KCNC2: variants seen among roughly 807,000 people sequenced by gnomAD.
KCNC2 encodes the protein potassium voltage-gated channel subfamily C member 2, also known as voltage-gated potassium channel KCNC2.
In KCNC2, 21 loss-of-function variants were observed where a neutral mutation model predicts 44.5. The ratio of observed to expected loss-of-function variants is 0.47; its 90% CI spans 0.33 to 0.68. The LOEUF (loss-of-function observed/expected upper bound fraction) is 0.68. Among genes scored for constraint, KCNC2 ranks in the 30% least tolerant of loss-of-function variants. The pLI is 0.01. For synonymous variants in KCNC2, 391 were observed against 339.1 expected (o/e 1.15, Z -1.68); for missense variants, 589 against 826.2 (o/e 0.71, Z 3.52).
chr12:75,120,843 C>A (rs1458605), intron 2 of KCNC2, among the ~76,000 whole-genome samples: 34,401 of 152,058 alleles, frequency 0.23, 4,878 homozygotes, highest in African/African-American at 0.39. Flanking sequence ...CTTTTCATTT[C>A]TTTTTCCATT....
Position 75,042,154 on chromosome 12 carries a change from CT to C in KCNC2, c.*950del. The C allele has an allele frequency of 1.6e-6, 2 of 1,270,452 alleles. No homozygotes were observed. Among genetic ancestry groups the C allele is most frequent in the Non-Finnish European group, 2.0e-6 (2 of 1,003,390 alleles). 78.7% of individuals were successfully genotyped at this position (1,270,452 alleles called of 1,614,324 possible). On this transcript the variant is annotated 3_prime_UTR_variant, in exon 5 of 5. Transcript: ENST00000549446. ...AGGGGGTAAAAAAAAGACACAAGAG[CT>C]TTGGGTGATATTTGGCACTCTGCCT...
Position 75,111,361 on chromosome 12 carries a change from C to T in KCNC2, c.688-60044G>A, listed in dbSNP as rs976344477. ...CTATTTTTCTATTAACAATCTATTG[C>T]GTGAACCCATTGCACTGCTTATCCA... is the stretch of plus-strand genomic sequence containing the variant. On this transcript the variant is annotated intron_variant, in intron 2 of 4. Transcript: ENST00000549446. Among the ~76,000 whole-genome samples the T allele has an allele frequency of 1.2e-4, 18 of 152,030 alleles. No homozygotes were observed. In the East Asian group the frequency reaches 1.7e-3, roughly 15 times the overall value.
chr12:75,160,615 A>G (rs1891058623), intron 2 of KCNC2, among the ~76,000 whole-genome samples: 1 of 151,862 alleles, frequency 6.6e-6, no homozygotes, highest in Non-Finnish European at 1.5e-5. Flanking sequence ...CTTGCCTTCT[A>G]AAACAGGATC....
chr12:75,199,276 C>G (rs1481015872), intron 2 of KCNC2, among the ~76,000 whole-genome samples: 1 of 151,774 alleles, frequency 6.6e-6, no homozygotes, highest in African/African-American at 2.4e-5. Context: ...AGCACACCAA[C>G]CAGGGGCTTC....
At chr12:75,060,486 G>C (rs998094001) in intron 2 of KCNC2, among the ~76,000 whole-genome samples, 3 of 151,766 alleles carry the variant, frequency 2.0e-5, no homozygotes, top group Admixed American at 6.6e-5. Flanking sequence ...TATTTTTTGA[G>C]ACAAGGTCTC....
At chr12:75,106,751 C>T (rs1180303273) in intron 2 of KCNC2, among the ~76,000 whole-genome samples, 7 of 152,156 alleles carry the variant, frequency 4.6e-5, no homozygotes, top group Non-Finnish European at 8.8e-5. Flanking sequence ...TTAATTGTGT[C>T]TTAATACCTC....
At position 75,048,283 on chromosome 12, in the gene KCNC2, C is replaced by T. The variant is rs200919813; in HGVS notation, c.1650G>A (p.Pro550=). Residue 550 remains proline (P), a synonymous_variant, in exon 4 of 5, where the codon CCG becomes CCA. Transcript: ENST00000549446. ...GGAGCCTTTCTGGGGGTGATAGTGG[C>T]GGCTCACTTCCTGTACTGTCGTCAC... The part of the protein sequence containing the change: ...LSGDDSTGSE[P]PLSPPERLPI... 3.7e-6 allele frequency: 6 copies of T among 1,612,460 alleles called. No individual in the cohort carries two copies. The highest frequency in any genetic ancestry group is 1.1e-5 in the South Asian group (1 of 90,964).
At chr12:75,084,872 T>A (rs898434568) in intron 2 of KCNC2, among the ~76,000 whole-genome samples, 2 of 151,576 alleles carry the variant, frequency 1.3e-5, no homozygotes, top group African/African-American at 4.8e-5. Context: ...TTCAAATATG[T>A]CAGCTCCCCT....
At chr12:75,110,676 T>C (rs1414371131) in intron 2 of KCNC2, among the ~76,000 whole-genome samples, 2 of 152,164 alleles carry the variant, frequency 1.3e-5, no homozygotes, top group African/African-American at 4.8e-5. Flanking sequence ...GCAATTGATA[T>C]GTGGTGTTCT....
intron 2 of KCNC2, among the ~76,000 whole-genome samples, chr12:75,138,183 C>T (rs1055088919): frequency 2.0e-5 from 3 of 152,184 alleles, no homozygotes; most frequent in African/African-American, 7.2e-5. Flanking sequence ...CAACTATCTG[C>T]ATTTTTTGCT....
At chr12:75,180,041 T>G (rs1334997120) in intron 2 of KCNC2, among the ~76,000 whole-genome samples, 1 of 151,870 alleles carries the variant, frequency 6.6e-6, no homozygotes, top group African/African-American at 2.4e-5. Flanking sequence ...AATTTATTAT[T>G]TTCTTTCCTA....
chr12:75,041,002 G>A lies in KCNC2; in HGVS notation c.*2103C>T, dbSNP rs547069553. The A allele has an allele frequency of 2.3e-6, 2 of 877,146 alleles. No homozygotes were observed. Among genetic ancestry groups the A allele is most frequent in the South Asian group, 2.8e-5 (2 of 70,514 alleles). 54.3% of individuals were successfully genotyped at this position (877,146 alleles called of 1,614,324 possible). ...CAGTCTACAAGCAGAGCACTCTCAT[G>A]GGGAGCACCAGATGAGTTCCAGCCG... On this transcript the variant is annotated 3_prime_UTR_variant, in exon 5 of 5. Transcript: ENST00000549446.
At chr12:75,096,241 A>T (rs1249434009) in intron 2 of KCNC2, among the ~76,000 whole-genome samples, 1 of 151,986 alleles carries the variant, frequency 6.6e-6, no homozygotes, top group African/African-American at 2.4e-5. Flanking sequence ...ACTACAGGAG[A>T]TTCAATTTTC....
At chr12:75,084,318 A>AGATAGAT (rs1884800844) in intron 2 of KCNC2, among the ~76,000 whole-genome samples, 1 of 150,754 alleles carries the variant, frequency 6.6e-6, no homozygotes, top group African/African-American at 2.5e-5. Context: ...ATAGATAGAT[A>AGATAGAT]GATAGATAGA....
At chr12:75,178,134 G>T (rs1044602349) in intron 2 of KCNC2, among the ~76,000 whole-genome samples, 1 of 151,890 alleles carries the variant, frequency 6.6e-6, no homozygotes, top group Non-Finnish European at 1.5e-5. Flanking sequence ...GGCATGTCCT[G>T]GCATGAAATA....
At chr12:75,201,798 G>A (rs770897824) in intron 2 of KCNC2, among the ~76,000 whole-genome samples, 10 of 151,962 alleles carry the variant, frequency 6.6e-5, no homozygotes, top group Non-Finnish European at 5.9e-5. Context: ...TCGAAGAAAA[G>A]CCCTTCATAT....
At chr12:75,101,926 A>C (rs1490178826) in intron 2 of KCNC2, among the ~76,000 whole-genome samples, 1 of 152,114 alleles carries the variant, frequency 6.6e-6, no homozygotes, top group Non-Finnish European at 1.5e-5. Context: ...TGCTTATCCT[A>C]GCAATGCAAA....
rs184361955 is a variant in KCNC2, at chr12:75,102,485, T to C, written c.688-51168A>G. 5.3e-5 allele frequency among the ~76,000 whole-genome samples: 8 copies of C among 152,050 alleles called. No individual in the cohort carries two copies. The East Asian group carries it at 1.5e-3, about 29-fold the overall frequency. ...GAAGAAACCAAGCCAGTGGCCAAGA[T>C]GACCCTCAATAAAAAGCTACAGCAG... On this transcript the variant is annotated intron_variant, in intron 2 of 4. Coordinates refer to ENST00000549446, the MANE Select transcript of KCNC2 (RefSeq NM_139137.4).
chr12:75,139,841 G>T (rs1025857883), intron 2 of KCNC2, among the ~76,000 whole-genome samples: 1 of 151,970 alleles, frequency 6.6e-6, no homozygotes, highest in Non-Finnish European at 1.5e-5. Flanking sequence ...GTATTGCAGC[G>T]GAAGAAAAAC....
Sources: gnomAD v4.1 joint callset for allele counts (sites outside exome capture counted in the v4.1 genomes callset) on GRCh38, gnomAD v4.1.1 for gene constraint, MANE v1.5 for transcripts, NCBI Gene and HGNC (gene_info 2026-07-23, HGNC 2026-07-21) for gene names.